Variants in GLMN observed in about 807,000 individuals in gnomAD.
GLMN encodes glomulin, FKBP associated protein.
Under a neutral mutation model 87.8 loss-of-function variants are expected in GLMN, and 75 were observed. The observed-to-expected ratio is 0.85, with a 90% CI of 0.71 to 1.04. The LOEUF is 1.04. GLMN is among the 50% of genes least tolerant of loss of function. GLMN has a pLI of 0.00. For synonymous variants in GLMN, 206 were observed against 221.6 expected, an observed-to-expected ratio of 0.93 and a Z score of 0.63; for missense variants, 588 against 658.8, an observed-to-expected ratio of 0.89 and a Z score of 1.18.
chr1:92,361,449 TG>T, the GLMN span, among the ~76,000 whole-genome samples: 1 of 152,188 alleles, frequency 6.6e-6, no homozygotes, highest in Non-Finnish European at 1.5e-5. Flanking sequence ...GTTGATATTA[TG>T]GACTTATGGC....
intron 7 of GLMN, among the ~76,000 whole-genome samples, chr1:92,278,197 C>T (rs1264582304): frequency 6.6e-6 from 1 of 152,144 alleles, no homozygotes; most frequent in African/African-American, 2.4e-5. Context: ...TTCTACATCA[C>T]CAGATTTCCT....
chr1:92,299,197 A>C (rs929941473), upstream of GLMN: 1 of 1,185,426 alleles, frequency 8.4e-7, no homozygotes, highest in African/African-American at 1.6e-5. Context: ...CTGGGCCCCG[A>C]TCTCGAGTTA....
the GLMN span, among the ~76,000 whole-genome samples, chr1:92,350,908 G>C: frequency 3.3e-5 from 5 of 151,990 alleles, no homozygotes; most frequent in African/African-American, 1.2e-4. Context: ...CTCCAGCCTG[G>C]GCGACAGAGC....
chr1:92,256,493 C>T (rs961745589), intron 16 of GLMN, among the ~76,000 whole-genome samples: 1 of 152,114 alleles, frequency 6.6e-6, no homozygotes, highest in Non-Finnish European at 1.5e-5. Context: ...AACATCAATG[C>T]AAAAATCCTT....
rs765783161 is a variant in GLMN at position 92,297,981 on chromosome 1, G to T, written c.19C>A (p.Gln7Lys). Reference protein sequence around the residue: MAVEELQSIIKRCQILE... With the variant: MAVEELKSIIKRCQILE... ...CTTACACATCTCTTTATTATAGACT[G>T]AAGTTCCTCTACAGCCATTCTTATT... The change falls in exon 2 of 19, where the codon CAG becomes AAG. Residue 7 changes from glutamine (Q) to lysine (K), a missense_variant. By Grantham distance (53) the Gln-to-Lys change is moderately conservative. Coordinates refer to ENST00000370360, the MANE Select transcript of GLMN (RefSeq NM_053274.3). 1.3e-5 allele frequency: 20 copies of T among 1,496,226 alleles called. No homozygotes were observed. In the East Asian group the frequency reaches 4.1e-4, roughly 30 times the overall value. The allele number at this position is 1,496,226 out of a possible 1,614,324, so 92.7% of individuals were successfully genotyped here. A position where few individuals can be genotyped will look rare whatever the true frequency, so the allele number is the denominator to read the frequency against.
chr1:92,246,705 AAC>A, intron 18 of GLMN, 59 bp from the exon 19 acceptor site: 1 of 896,002 alleles, frequency 1.1e-6, no homozygotes, highest in Non-Finnish European at 1.9e-6. Context: ...AACAAAGCAA[AAC>A]ACAGAAAAGA....
intron 3 of GLMN, 78 bp from the exon 4 acceptor site, chr1:92,291,615 G>T: frequency 7.2e-7 from 1 of 1,380,390 alleles, no homozygotes; most frequent in Non-Finnish European, 1.0e-6. Context: ...TCTTGGAAGA[G>T]CTCAGAATTG....
chr1:92,309,578 T>TACAC, the GLMN span, among the ~76,000 whole-genome samples: 1 of 113,840 alleles, frequency 8.8e-6, no homozygotes, highest in Non-Finnish European at 1.9e-5. Context: ...CACATATACA[T>TACAC]ATACATACAC....
chr1:92,263,615 C>A lies in GLMN; in HGVS notation c.1409+8G>T. The A allele has an allele frequency of 8.5e-7, 1 of 1,177,558 alleles. No individual in the cohort carries two copies. Among genetic ancestry groups the A allele is most frequent in the East Asian group, 2.3e-5 (1 of 42,818 alleles). 72.9% of individuals were successfully genotyped at this position (1,177,558 alleles called of 1,614,324 possible). A position where few individuals can be genotyped will look rare whatever the true frequency, so the allele number is the denominator to read the frequency against. On this transcript the variant is annotated splice_region_variant and intron_variant, in intron 15 of 18. Coordinates refer to ENST00000370360, the MANE Select transcript of GLMN (RefSeq NM_053274.3). The stretch of plus-strand genomic sequence containing the variant: ...TTACTATGTGAACTTTGGTAATGGT[C>A]ACCTCACCTATCTGAGTTTTGCAGT...
At chr1:92,252,718 A>C (rs1461352754) in intron 16 of GLMN, among the ~76,000 whole-genome samples, 6 of 152,324 alleles carry the variant, frequency 3.9e-5, no homozygotes, top group African/African-American at 1.4e-4. Flanking sequence ...AGAAATAATA[A>C]ATACTACAAA....
rs567709728 is a variant in GLMN, at chr1:92,263,858, G to T, written c.1300-126C>A. On this transcript the variant is annotated intron_variant, in intron 14 of 18. Coordinates refer to ENST00000370360, the MANE Select transcript of GLMN (RefSeq NM_053274.3). Reference sequence around the variant, plus strand: ...AATACAGTTTTTAACTTTAATTTCCGTACTTTCATTCACTTTCCAGACACC... The same window carrying T: ...AATACAGTTTTTAACTTTAATTTCCTTACTTTCATTCACTTTCCAGACACC... 4.3e-6 allele frequency: 3 copies of T among 695,922 alleles called. No individual in the cohort carries two copies. The African/African-American group carries it at 5.3e-5, about 12-fold the overall frequency. The allele number at this position is 695,922 out of a possible 1,614,324, so 43.1% of individuals were successfully genotyped here. A position where few individuals can be genotyped will look rare whatever the true frequency, so the allele number is the denominator to read the frequency against.
At chr1:92,270,348 A>G (rs532201063) in intron 8 of GLMN, among the ~76,000 whole-genome samples, 2 of 152,356 alleles carry the variant, frequency 1.3e-5, no homozygotes, top group South Asian at 4.1e-4. Context: ...AGCTATCTGC[A>G]TCCCACCTAT....
intron 16 of GLMN, among the ~76,000 whole-genome samples, chr1:92,253,293 C>T (rs1250860069): frequency 6.6e-6 from 1 of 152,194 alleles, no homozygotes; most frequent in African/African-American, 2.4e-5. Flanking sequence ...ATAAAACTTC[C>T]ATCTCCCTGG....
chr1:92,339,811 T>C, the GLMN span, among the ~76,000 whole-genome samples: 2 of 152,194 alleles, frequency 1.3e-5, no homozygotes, highest in Admixed American at 6.5e-5. Context: ...TTTCCTCTTA[T>C]AAACTATTAT....
chr1:92,291,519 C>G lies in GLMN; in HGVS notation c.184G>C (p.Gly62Arg). 3 of 1,613,446 alleles carry G rather than the reference C, an allele frequency of 1.9e-6. No homozygotes were observed. The highest frequency in any genetic ancestry group is 2.5e-6 in the Non-Finnish European group (3 of 1,179,456). ...EKNKVIIKNM[G>R]WNLVGPVVRC... is the part of the protein sequence containing the mutation. ...ACAACAGGACCAACGAGATTCCAGC[C>G]CATATTCTTGATGATGACCTGTAAA... is the stretch of plus-strand genomic sequence containing the variant. Residue 62 changes from glycine (G) to arginine (R), a missense_variant, in exon 4 of 19, where the codon GGC becomes CGC. Coordinates refer to ENST00000370360, the MANE Select transcript of GLMN (RefSeq NM_053274.3).
the GLMN span, among the ~76,000 whole-genome samples, chr1:92,355,408 T>A: frequency 2.6e-5 from 4 of 152,146 alleles, no homozygotes; most frequent in Non-Finnish European, 5.9e-5. Context: ...GTGTAAAAAG[T>A]AAGAAACTGT....
chr1:92,288,682 G>A (rs149086646), intron 6 of GLMN, among the ~76,000 whole-genome samples: 1 of 152,038 alleles, frequency 6.6e-6, no homozygotes, highest in Non-Finnish European at 1.5e-5. Flanking sequence ...TCTCACTTCA[G>A]TCTCCCAAAG....
intron 3 of GLMN, among the ~76,000 whole-genome samples, chr1:92,293,869 G>A (rs1649715463): frequency 6.6e-6 from 1 of 152,066 alleles, no homozygotes; most frequent in Admixed American, 6.6e-5. Flanking sequence ...GAAAAACATT[G>A]AACGTTCTCA....
the GLMN span, among the ~76,000 whole-genome samples, chr1:92,315,252 C>CA: frequency 1.3e-5 from 2 of 152,144 alleles, no homozygotes; most frequent in African/African-American, 4.8e-5. Flanking sequence ...GATGGGTGAA[C>CA]AGCTGGTTGG....
Sources: gnomAD v4.1 joint callset for allele counts (sites outside exome capture counted in the v4.1 genomes callset) on GRCh38, gnomAD v4.1.1 for gene constraint, MANE v1.5 for transcripts, NCBI Gene and HGNC (gene_info 2026-07-23, HGNC 2026-07-21) for gene names.